CLDN10: variants seen among roughly 807,000 people sequenced by gnomAD.
CLDN10 encodes claudin 10, also known as claudin-10.
In CLDN10, 15 loss-of-function variants were observed where a neutral mutation model predicts 22.9. The observed-to-expected ratio is 0.65, with a 90% confidence interval of 0.44 to 1.01. The LOEUF (loss-of-function observed/expected upper bound fraction) is 1.01, where lower values mean the gene tolerates loss of function less well. CLDN10 is among the 50% of genes least tolerant of loss of function. CLDN10 has a pLI of 0.00. For synonymous variants in CLDN10, 114 were observed against 111.4 expected (o/e 1.02, Z -0.15); for missense variants, 247 against 287.8 (o/e 0.86, Z 1.03).
At chr13:95,530,185 G>A (rs1297760003) in intron 1 of CLDN10, among the ~76,000 whole-genome samples, 2 of 152,092 alleles carry the variant, frequency 1.3e-5, no homozygotes, top group Non-Finnish European at 2.9e-5. Context: ...GGGAGGGGGA[G>A]CAGCTTCAAA....
At chr13:95,491,835 G>A (rs1177888625) in intron 1 of CLDN10, among the ~76,000 whole-genome samples, 1 of 152,186 alleles carries the variant, frequency 6.6e-6, no homozygotes, top group South Asian at 2.1e-4. Context: ...CTGTTGTTCA[G>A]ATTCTTTTGT....
intron 1 of CLDN10, among the ~76,000 whole-genome samples, chr13:95,492,941 G>A (rs909451018): frequency 1.3e-5 from 2 of 152,138 alleles, no homozygotes; most frequent in Admixed American, 6.6e-5. Flanking sequence ...CAGACCTTCC[G>A]CTTCCCCAGT....
chr13:95,515,765 C>A (rs9524996), intron 1 of CLDN10, among the ~76,000 whole-genome samples: 68,946 of 151,946 alleles, frequency 0.45, 16,464 homozygotes, highest in East Asian at 0.58. Context: ...CAGAGGAAGG[C>A]GCTTGACTGG....
intron 1 of CLDN10, among the ~76,000 whole-genome samples, chr13:95,519,521 C>T (rs1363968264): frequency 6.6e-6 from 1 of 152,134 alleles, no homozygotes; most frequent in Non-Finnish European, 1.5e-5. Flanking sequence ...CATAATAGCC[C>T]TGGAGGTAGG....
At chr13:95,535,566 C>G (rs1266727736) in intron 1 of CLDN10, among the ~76,000 whole-genome samples, 2 of 149,422 alleles carry the variant, frequency 1.3e-5, no homozygotes, top group African/African-American at 5.0e-5. Context: ...CAGAAGGGAG[C>G]TGCGGGGGAG....
At position 95,535,666 on chromosome 13, in the gene CLDN10, TG is replaced by T. The variant is rs554556084; in HGVS notation, c.215-24463del. On this transcript the variant is annotated intron_variant, in intron 1 of 4. Transcript: ENST00000376873. ...AAGGAGAAGATGTCCCATAGGCACA[TG>T]GGACATCAGAAGAACTGATTCTGGG... is the stretch of plus-strand genomic sequence containing the variant. 5.9e-3 allele frequency among the ~76,000 whole-genome samples: 890 copies of T among 151,892 alleles called. 9 individuals are homozygous for T. The highest frequency in any genetic ancestry group is 0.021 in the African/African-American group (858 of 41,416).
At position 95,560,273 on chromosome 13, in the gene CLDN10, G is replaced by C. The variant is rs372666058; in HGVS notation, c.362G>C (p.Gly121Ala). 4 of 1,614,050 alleles carry C rather than the reference G, an allele frequency of 2.5e-6. No homozygotes were observed. The highest frequency in any genetic ancestry group is 1.6e-4 in the Middle Eastern group (1 of 6,084). The change falls in exon 2 of 5, where the codon GGG becomes GCG. Residue 121 changes from glycine (G) to alanine (A), a missense_variant. Coordinates refer to ENST00000299339, the MANE Select transcript of CLDN10 (RefSeq NM_006984.5). ...KAKAKIACLA[G>A]IVFILSGLCS... ...AAAGCTAAAATTGCTTGTTTGGCTGGGATTGTATTCATACTGTCAGGTAAA... is the reference window on the plus strand; with the variant it reads ...AAAGCTAAAATTGCTTGTTTGGCTGCGATTGTATTCATACTGTCAGGTAAA...
chr13:95,480,548 C>A (rs544095455), intron 1 of CLDN10, among the ~76,000 whole-genome samples: 3 of 152,156 alleles, frequency 2.0e-5, no homozygotes, highest in African/African-American at 7.2e-5. Flanking sequence ...AAGCTCCTGC[C>A]CACTGGGAGC....
At chr13:95,445,368 G>A (rs912225715) in intron 1 of CLDN10, among the ~76,000 whole-genome samples, 1 of 152,230 alleles carries the variant, frequency 6.6e-6, no homozygotes, top group Non-Finnish European at 1.5e-5. Flanking sequence ...TCTGGAAGAA[G>A]CTGAAAGCTA....
chr13:95,539,148 G>C (rs2043433952), intron 1 of CLDN10, among the ~76,000 whole-genome samples: 1 of 152,164 alleles, frequency 6.6e-6, no homozygotes, highest in South Asian at 2.1e-4. Flanking sequence ...CAAAGTGCTG[G>C]GATTACAGGC....
intron 1 of CLDN10, among the ~76,000 whole-genome samples, chr13:95,457,880 T>C (rs1452338147): frequency 6.6e-6 from 1 of 152,186 alleles, no homozygotes; most frequent in Non-Finnish European, 1.5e-5. Flanking sequence ...GAGTTAGCTA[T>C]TGTCAGAAAA....
At chr13:95,499,834 C>T (rs779882886) in intron 1 of CLDN10, among the ~76,000 whole-genome samples, 17 of 152,158 alleles carry the variant, frequency 1.1e-4, no homozygotes, top group Admixed American at 1.3e-4. Context: ...CAAGGGTATC[C>T]GATCTTTTGG....
At chr13:95,530,043 CA>C (rs1259177341) in intron 1 of CLDN10, among the ~76,000 whole-genome samples, 1 of 152,124 alleles carries the variant, frequency 6.6e-6, no homozygotes, top group Admixed American at 6.5e-5. Context: ...ATTAAAACCT[CA>C]AACCACATGC....
chr13:95,451,623 C>G (rs1172031364), intron 1 of CLDN10, among the ~76,000 whole-genome samples: 1 of 152,208 alleles, frequency 6.6e-6, no homozygotes, highest in Non-Finnish European at 1.5e-5. Flanking sequence ...GGCTTTGCTA[C>G]TCTGCCTTGC....
At chr13:95,532,306 G>A (rs548150551) in intron 1 of CLDN10, among the ~76,000 whole-genome samples, 1 of 151,994 alleles carries the variant, frequency 6.6e-6, no homozygotes, top group East Asian at 1.9e-4. Flanking sequence ...CAAAAACAAA[G>A]AAACAACTCA....
Position 95,506,449 on chromosome 13 carries a change from G to T in CLDN10, c.215-53683G>T, listed in dbSNP as rs577971125. 1.6e-4 allele frequency among the ~76,000 whole-genome samples: 24 copies of T among 152,276 alleles called. No homozygotes were observed. In the South Asian group the frequency reaches 4.4e-3, roughly 28 times the overall value. On this transcript the variant is annotated intron_variant, in intron 1 of 4. Coordinates refer to the CLDN10 transcript ENST00000376873. Reference sequence around the variant, plus strand: ...CAAAAGGAAAGGTATCTCCATGGATGTTTATCTCTCCTTCTGATCTTTTTC... The same window carrying T: ...CAAAAGGAAAGGTATCTCCATGGATTTTTATCTCTCCTTCTGATCTTTTTC...
chr13:95,579,574 G>A lies in CLDN10; in HGVS notation c.*1560G>A, dbSNP rs2043986033. ...AGTTTCAAAGTATGAATAAGAATTG[G>A]TATTTGTGTTATCTTTGAGTAAGAA... On this transcript the variant is annotated 3_prime_UTR_variant, in exon 5 of 5. Coordinates refer to ENST00000299339, the MANE Select transcript of CLDN10 (RefSeq NM_006984.5). The A allele has an allele frequency of 6.6e-6, 1 of 152,102 alleles. No homozygotes were observed. Among genetic ancestry groups the A allele is most frequent in the African/African-American group, 2.4e-5 (1 of 41,370 alleles). 9.4% of individuals were successfully genotyped at this position (152,102 alleles called of 1,614,324 possible). A position where few individuals can be genotyped will look rare whatever the true frequency, so the allele number is the denominator to read the frequency against.
chr13:95,530,398 T>C (rs1012305426), intron 1 of CLDN10, among the ~76,000 whole-genome samples: 1 of 152,184 alleles, frequency 6.6e-6, no homozygotes, highest in South Asian at 2.1e-4. Flanking sequence ...GGGCAACCCC[T>C]ACCGGAAGGA....
intron 1 of CLDN10, among the ~76,000 whole-genome samples, chr13:95,528,232 C>A (rs759383042): frequency 2.6e-5 from 4 of 152,026 alleles, no homozygotes; most frequent in Non-Finnish European, 5.9e-5. Flanking sequence ...GGTGGCTTCC[C>A]CTATACTGTT....
Sources: allele counts gnomAD v4.1 joint callset (sites outside exome capture counted in the v4.1 genomes callset), GRCh38; gene constraint gnomAD v4.1.1; transcripts MANE v1.5; gene names NCBI Gene and HGNC (gene_info 2026-07-23, HGNC 2026-07-21).